The following CBLN2 variants were observed in gnomAD, a reference collection of about 807,000 sequenced individuals.
The protein encoded by CBLN2 is cerebellin-2.
CBLN2 carries 7 observed loss-of-function variants against 15.0 expected under a neutral mutation model. The observed-to-expected ratio is 0.47, with a 90% confidence interval of 0.27 to 0.88. The LOEUF (loss-of-function observed/expected upper bound fraction) is 0.88, where lower values mean the gene tolerates loss of function less well. CBLN2 is among the 40% of genes least tolerant of loss of function. The pLI is 0.14. For missense variants in CBLN2, 242 were observed against 304.5 expected (o/e 0.79, Z 1.53); for synonymous variants, 149 against 135.2 (o/e 1.10, Z -0.71).
At chr18:72,547,396 G>A (rs963576706), upstream of CBLN2, among the ~76,000 whole-genome samples, 10 of 152,014 alleles carry the variant, frequency 6.6e-5, no homozygotes, top group Admixed American at 6.6e-4. Flanking sequence ...CACTTAGTGG[G>A]TACAATGTAC....
chr18:72,586,855 T>A (rs1411311592), intron 1 of CBLN2, among the ~76,000 whole-genome samples: 1 of 152,150 alleles, frequency 6.6e-6, no homozygotes, highest in Non-Finnish European at 1.5e-5. Flanking sequence ...CAAGTTGAAA[T>A]GCTATTTTAA....
intron 1 of CBLN2, among the ~76,000 whole-genome samples, chr18:72,613,946 T>C (rs1029334874): frequency 5.9e-5 from 9 of 152,170 alleles, no homozygotes; most frequent in African/African-American, 2.2e-4. Context: ...AGACAATATA[T>C]CCCTCTAGCC....
intron 1 of CBLN2, among the ~76,000 whole-genome samples, chr18:72,587,215 T>C (rs1209734556): frequency 6.6e-6 from 1 of 152,052 alleles, no homozygotes; most frequent in African/African-American, 2.4e-5. Flanking sequence ...TCAAGATAAA[T>C]AGAAAATACA....
At chr18:72,618,126 T>C (rs2069675087) in intron 1 of CBLN2, 2 of 156,970 alleles carry the variant, frequency 1.3e-5, no homozygotes. Flanking sequence ...TCTGTTCTAC[T>C]GAAATTTTCT....
chr18:72,573,735 A>C (rs2069346594), intron 1 of CBLN2, among the ~76,000 whole-genome samples: 1 of 152,194 alleles, frequency 6.6e-6, no homozygotes, highest in Admixed American at 6.5e-5. Flanking sequence ...GAAATTATGG[A>C]TAAAGCTGCT....
At chr18:72,637,171 G>A (rs917322270) in intron 1 of CBLN2, among the ~76,000 whole-genome samples, 2 of 151,532 alleles carry the variant, frequency 1.3e-5, no homozygotes, top group Non-Finnish European at 3.0e-5. Context: ...AGAAACAATT[G>A]TATTGTATTT....
intron 1 of CBLN2, among the ~76,000 whole-genome samples, chr18:72,554,845 A>G (rs1465960851): frequency 6.6e-6 from 1 of 152,138 alleles, no homozygotes; most frequent in African/African-American, 2.4e-5. Flanking sequence ...AAAAAGAAAA[A>G]AAATTAGTGG....
In CBLN2 at chr18:72,622,481, G is replaced by A. The variant is rs550523364; in HGVS notation, c.15+15844C>T. Among the ~76,000 whole-genome samples, 11 of 152,154 alleles carry A rather than the reference G, an allele frequency of 7.2e-5. No homozygotes were observed. The South Asian group carries it at 2.1e-3, about 29-fold the overall frequency. ...GGTGAGTAAGAAAAGTGACTTACTG[G>A]CAAGTCCAGAAATCAGGATATTTTG... On this transcript the variant is annotated intron_variant, in intron 1 of 2. Coordinates refer to the CBLN2 transcript ENST00000581073.
chr18:72,593,515 T>C (rs1024000413), intron 1 of CBLN2, among the ~76,000 whole-genome samples: 1 of 152,194 alleles, frequency 6.6e-6, no homozygotes, highest in African/African-American at 2.4e-5. Flanking sequence ...TTCTCTTGTG[T>C]GATTGCTGTA....
At position 72,570,184 on chromosome 18, in the gene CBLN2, A is replaced by T. The variant is rs573640184; in HGVS notation, c.16-31412T>A. On this transcript the variant is annotated intron_variant, in intron 1 of 2. Coordinates refer to the CBLN2 transcript ENST00000581073. ...TACAAACTGATCGATACTTAACCTT[A>T]TATGTGTTTCTGTTTAGAGACACCT... is the stretch of plus-strand genomic sequence containing the variant. 3.3e-5 allele frequency among the ~76,000 whole-genome samples: 5 copies of T among 151,832 alleles called. No homozygotes were observed. The South Asian group carries it at 1.0e-3, about 32-fold the overall frequency.
chr18:72,593,587 G>C (rs1227628675), intron 1 of CBLN2, among the ~76,000 whole-genome samples: 1 of 152,170 alleles, frequency 6.6e-6, no homozygotes, highest in East Asian at 1.9e-4. Flanking sequence ...TCTTGTTCCA[G>C]ATCTTAGAGG....
At chr18:72,572,835 AT>A (rs1275166427) in intron 1 of CBLN2, among the ~76,000 whole-genome samples, 1 of 152,182 alleles carries the variant, frequency 6.6e-6, no homozygotes, top group South Asian at 2.1e-4. Flanking sequence ...GACACAAAAA[AT>A]GATTGTTATT....
chr18:72,628,839 A>G (rs2144976398), intron 1 of CBLN2, among the ~76,000 whole-genome samples: 2 of 152,316 alleles, frequency 1.3e-5, no homozygotes, highest in Middle Eastern at 3.4e-3. Context: ...GCTGGCTTAT[A>G]AGCCGTTGCT....
intron 1 of CBLN2, among the ~76,000 whole-genome samples, chr18:72,568,529 AATT>A (rs1452180040): frequency 2.6e-5 from 4 of 152,114 alleles, no homozygotes; most frequent in Non-Finnish European, 1.5e-5. Context: ...TCTTTAAAGT[AATT>A]ATTATTAAAA....
intron 1 of CBLN2, among the ~76,000 whole-genome samples, chr18:72,597,638 C>T (rs1402928853): frequency 6.6e-6 from 1 of 152,168 alleles, no homozygotes; most frequent in Non-Finnish European, 1.5e-5. Context: ...GAGACAAGTT[C>T]CCCCTGTCCC....
intron 1 of CBLN2, among the ~76,000 whole-genome samples, chr18:72,553,080 G>A (rs1382560946): frequency 6.6e-6 from 1 of 152,170 alleles, no homozygotes. Flanking sequence ...GCAAAATGCT[G>A]CTGAGAGGAA....
intron 1 of CBLN2, among the ~76,000 whole-genome samples, chr18:72,586,704 A>G (rs2069445825): frequency 6.6e-6 from 1 of 152,224 alleles, no homozygotes; most frequent in East Asian, 1.9e-4. Flanking sequence ...TATTAGGTGA[A>G]AATGGAAATC....
chr18:72,555,414 C>G (rs545174235), intron 1 of CBLN2, among the ~76,000 whole-genome samples: 1 of 151,210 alleles, frequency 6.6e-6, no homozygotes, highest in Non-Finnish European at 1.5e-5. Context: ...AAGAAATTCA[C>G]GGTGAATATG....
rs1374319315 is a variant in CBLN2 at position 72,555,741 on chromosome 18, G to C, written c.16-16969C>G. Among the ~76,000 whole-genome samples the C allele has an allele frequency of 2.0e-5, 3 of 152,262 alleles. No homozygotes were observed. In the East Asian group the frequency reaches 5.8e-4, roughly 29 times the overall value. ...AATAATGTGACTCATTCATGACCTT[G>C]TAGCAAAGTGATAACCATGTTATCT... On this transcript the variant is annotated intron_variant, in intron 1 of 2. Coordinates refer to the CBLN2 transcript ENST00000581073.
Sources: allele counts gnomAD v4.1 joint callset (sites outside exome capture counted in the v4.1 genomes callset), GRCh38; gene constraint gnomAD v4.1.1; transcripts MANE v1.5; gene names NCBI Gene and HGNC (gene_info 2026-07-23, HGNC 2026-07-21).